The following ARID4B variants were observed in gnomAD, a reference collection of about 807,000 sequenced individuals.
ARID4B encodes the protein AT-rich interaction domain 4B.
In ARID4B, 26 loss-of-function variants were observed where a neutral mutation model predicts 147.5. The observed-to-expected ratio is 0.18, with a 90% CI of 0.13 to 0.24. The LOEUF (loss-of-function observed/expected upper bound fraction) is 0.24. Among genes scored for constraint, ARID4B ranks in the 10% least tolerant of loss-of-function variants. The probability of loss-of-function intolerance (pLI) is 1.00; values close to 1 mark genes in which losing one functional copy is unlikely to be tolerated. For missense variants in ARID4B, 1,179 were observed against 1,511.5 expected (o/e 0.78, Z 3.65); for synonymous variants, 512 against 507.9 (o/e 1.01, Z -0.11).
At chr1:235,280,471 G>A (rs1409311419) in intron 2 of ARID4B, among the ~76,000 whole-genome samples, 2 of 152,220 alleles carry the variant, frequency 1.3e-5, no homozygotes, top group East Asian at 3.9e-4. Flanking sequence ...GGGAAGCATC[G>A]CAAAGAAATA....
intron 22 of ARID4B, among the ~76,000 whole-genome samples, chr1:235,173,742 TAAAAAAAAAAAA>T (rs755815257): frequency 0.012 from 304 of 26,012 alleles, 5 homozygotes; most frequent in Middle Eastern, 0.036. Flanking sequence ...CGTCTCTATT[TAAAAAAAAAAAA>T]AAAAAAAAAA....
At chr1:235,276,614 A>G (rs1185637537) in intron 2 of ARID4B, among the ~76,000 whole-genome samples, 1 of 152,118 alleles carries the variant, frequency 6.6e-6, no homozygotes, top group Non-Finnish European at 1.5e-5. Context: ...TTGAGCTATG[A>G]TCACACCACT....
At chr1:235,214,100 T>TG in intron 16 of ARID4B, 74 bp from the exon 17 acceptor site, 3 of 1,494,242 alleles carry the variant, frequency 2.0e-6, no homozygotes, top group Non-Finnish European at 2.7e-6. Context: ...CCACATATAT[T>TG]GATAAAAGTT....
chr1:235,273,652 C>A (rs1671131077), intron 2 of ARID4B, among the ~76,000 whole-genome samples: 1 of 152,088 alleles, frequency 6.6e-6, no homozygotes, highest in Admixed American at 6.5e-5. Context: ...CGGAACTGTA[C>A]AAGTATAAAA....
chr1:235,185,693 CATTG>C (rs758813094), intron 19 of ARID4B, among the ~76,000 whole-genome samples: 10 of 152,200 alleles, frequency 6.6e-5, no homozygotes, highest in Non-Finnish European at 1.5e-4. Flanking sequence ...CCTCAAACTT[CATTG>C]ATTGAGAGTT....
At chr1:235,298,450 TTAC>T (rs529448047) in intron 2 of ARID4B, among the ~76,000 whole-genome samples, 116 of 150,056 alleles carry the variant, frequency 7.7e-4, no homozygotes, top group African/African-American at 2.8e-3. Context: ...AATTACCGTA[TTAC>T]ATTATATATA....
intron 2 of ARID4B, among the ~76,000 whole-genome samples, chr1:235,288,308 CAA>C (rs572383953): frequency 7.0e-6 from 1 of 141,966 alleles, no homozygotes. Context: ...GACTCCATTT[CAA>C]AAAAAAAAAA....
chr1:235,211,547 A>T (rs542924581), intron 17 of ARID4B, among the ~76,000 whole-genome samples: 1 of 152,216 alleles, frequency 6.6e-6, no homozygotes, highest in Non-Finnish European at 1.5e-5. Flanking sequence ...TCTCATGGGC[A>T]TTATGCAGTA....
chr1:235,291,770 A>G (rs1672355050), intron 2 of ARID4B, among the ~76,000 whole-genome samples: 1 of 152,204 alleles, frequency 6.6e-6, no homozygotes, highest in Non-Finnish European at 1.5e-5. Context: ...CCCACAAATG[A>G]GGGGATCTCT....
intron 2 of ARID4B, among the ~76,000 whole-genome samples, chr1:235,300,427 A>G (rs1342409022): frequency 6.6e-6 from 1 of 152,054 alleles, no homozygotes. Context: ...ATAAAAAAAA[A>G]AAAAAGAAAA....
At chr1:235,240,530 C>A in intron 7 of ARID4B, 79 bp from the exon 8 acceptor site, 1 of 1,323,708 alleles carries the variant, frequency 7.6e-7, no homozygotes, top group South Asian at 1.2e-5. Context: ...TAGGTATTCC[C>A]AAACTCTTAT....
At chr1:235,278,307 C>G (rs1018499093) in intron 2 of ARID4B, among the ~76,000 whole-genome samples, 5 of 152,138 alleles carry the variant, frequency 3.3e-5, no homozygotes, top group African/African-American at 1.2e-4. Context: ...ATTTCATTAT[C>G]AAACATGCCC....
chr1:235,294,857 T>C (rs1290933738), intron 2 of ARID4B, among the ~76,000 whole-genome samples: 2 of 151,556 alleles, frequency 1.3e-5, no homozygotes, highest in Non-Finnish European at 2.9e-5. Context: ...ACCATGTAAA[T>C]ATTTTACATC....
In ARID4B at chr1:235,227,919, G is replaced by A. The variant is rs1216934606; in HGVS notation, c.897+1312C>T. 4.1e-5 allele frequency among the ~76,000 whole-genome samples: 6 copies of A among 146,254 alleles called. No individual in the cohort carries two copies. In the East Asian group the frequency reaches 6.1e-4, roughly 15 times the overall value. ...GCAATCTCAGCTCACTGCAAGCTCC[G>A]CCTCCCGGGTTCAAGCAATTCTACT... On this transcript the variant is annotated intron_variant, in intron 11 of 23. Coordinates refer to ENST00000264183, the MANE Select transcript of ARID4B (RefSeq NM_016374.6).
chr1:235,248,363 G>A (rs867352110), intron 6 of ARID4B, among the ~76,000 whole-genome samples: 33 of 152,004 alleles, frequency 2.2e-4, no homozygotes, highest in African/African-American at 6.5e-4. Flanking sequence ...AAATCTAGAC[G>A]TTGCCTGTCA....
At position 235,194,084 on chromosome 1, in the gene ARID4B, G is replaced by T; in HGVS notation, c.2054C>A (p.Thr685Asn). 6.2e-7 allele frequency: 1 copy of T among 1,613,172 alleles called. No individual in the cohort carries two copies. The highest frequency in any genetic ancestry group is 8.5e-7 in the Non-Finnish European group (1 of 1,179,192). The change falls in exon 19 of 24, where the codon ACT becomes AAT. Residue 685 changes from threonine (T) to asparagine (N), a missense_variant. This residue lies in a region of ARID4B where 321 missense variants were observed against 342.4 expected (regional missense o/e 0.94). Transcript: ENST00000264183. ...SPEMVSKLDLTDAKNSDTAHI... is the reference protein window; with the variant it reads ...SPEMVSKLDLNDAKNSDTAHI... ...AGCAGTATCAGAGTTTTTGGCATCA[G>T]TGAGATCCAGTTTGGATACCATTTC... is the stretch of plus-strand genomic sequence containing the variant.
intron 19 of ARID4B, chr1:235,187,172 C>T (rs1571923696): frequency 3.5e-6 from 1 of 288,330 alleles, no homozygotes; most frequent in Non-Finnish European, 6.7e-6. Context: ...ACCTCCGCCT[C>T]GTGGGTTCAA....
chr1:235,240,240 TTAG>T, intron 8 of ARID4B, 70 bp downstream of exon 8: 1 of 1,338,398 alleles, frequency 7.5e-7, no homozygotes, highest in Non-Finnish European at 1.0e-6. Context: ...ATGAAAAACA[TTAG>T]TAAGAAAATT....
intron 19 of ARID4B, among the ~76,000 whole-genome samples, chr1:235,186,412 T>TA (rs1446065599): frequency 1.8e-3 from 252 of 140,304 alleles, no homozygotes; most frequent in African/African-American, 6.6e-3. Context: ...AATTTGCTTA[T>TA]TTTTTTTTTT....
Sources: gnomAD v4.1 joint callset for allele counts (sites outside exome capture counted in the v4.1 genomes callset) on GRCh38, gnomAD v4.1.1 for gene constraint, gnomAD v4.1.1 regional missense constraint, MANE v1.5 for transcripts, NCBI Gene and HGNC (gene_info 2026-07-23, HGNC 2026-07-21) for gene names.